DMGDH: variants seen among roughly 807,000 people sequenced by gnomAD.
DMGDH encodes the protein dimethylglycine dehydrogenase, mitochondrial.
A neutral mutation model predicts 95.2 loss-of-function variants in DMGDH; 76 were observed. The observed-to-expected ratio is 0.80, with a 90% CI of 0.66 to 0.97. DMGDH has a LOEUF of 0.97. Among genes scored for constraint, DMGDH ranks in the 50% least tolerant of loss-of-function variants. The pLI is 0.00. For synonymous variants in DMGDH, 345 were observed against 377.6 expected (o/e 0.91, Z 1.00); for missense variants, 987 against 1,055.0 (o/e 0.94, Z 0.89).
At chr5:79,003,818 G>A (rs959822737) in intron 15 of DMGDH, among the ~76,000 whole-genome samples, 1 of 152,062 alleles carries the variant, frequency 6.6e-6, no homozygotes, top group African/African-American at 2.4e-5. Flanking sequence ...ATGGTGGCAC[G>A]CACCTGTAAA....
At chr5:79,021,070 C>T (rs1753855001) in intron 14 of DMGDH, 2 of 986,032 alleles carry the variant, frequency 2.0e-6, no homozygotes, top group Non-Finnish European at 2.4e-6. Flanking sequence ...CCATTGAGAA[C>T]AATGATATGA....
chr5:79,030,925 C>T lies in DMGDH; in HGVS notation c.1591G>A (p.Val531Ile). 1 of 1,614,134 alleles carries T rather than the reference C, an allele frequency of 6.2e-7. No homozygotes were observed. Among genetic ancestry groups the T allele is most frequent in the Non-Finnish European group, 8.5e-7 (1 of 1,180,020 alleles). Residue 531 changes from valine (V) to isoleucine (I), a missense_variant, in exon 10 of 16, where the codon GTA (valine) becomes ATA (isoleucine). Physicochemically the swap from Val to Ile is conservative, Grantham distance 29. Transcript: ENST00000255189. ...TTGCCAAATGGTGATAGGTCAGTTA[C>T]CGCTACTCTTTGCATAACCTGTTTA... The part of the protein sequence containing the change: ...EYKQVMQRVA[V>I]TDLSPFGKFN...
chr5:79,023,694 T>C (rs61676483), intron 14 of DMGDH, among the ~76,000 whole-genome samples: 4 of 152,366 alleles, frequency 2.6e-5, no homozygotes, highest in African/African-American at 9.6e-5. Context: ...GAGTGTCTTA[T>C]CGGTTATGAT....
intron 5 of DMGDH, among the ~76,000 whole-genome samples, chr5:79,048,762 C>CACACAT (rs1192530649): frequency 1.4e-5 from 2 of 139,404 alleles, no homozygotes; most frequent in Admixed American, 6.8e-5. Flanking sequence ...TAATTAAAAA[C>CACACAT]ACACATACAC....
At chr5:79,042,516 A>G in intron 6 of DMGDH, 35 bp from the exon 7 acceptor site, 1 of 1,603,598 alleles carries the variant, frequency 6.2e-7, no homozygotes. Context: ...AGGATGCCGT[A>G]GCTGAGCTGA....
intron 14 of DMGDH, among the ~76,000 whole-genome samples, chr5:79,017,767 G>A (rs1753765908): frequency 6.6e-6 from 1 of 152,178 alleles, no homozygotes. Flanking sequence ...CCACTTATAT[G>A]TGCATTTTTT....
chr5:79,004,926 T>G (rs1418869385), intron 15 of DMGDH, among the ~76,000 whole-genome samples: 2 of 152,192 alleles, frequency 1.3e-5, no homozygotes, highest in African/African-American at 4.8e-5. Flanking sequence ...GAATGCCAAA[T>G]TTTTTATAAA....
chr5:79,016,310 T>A (rs1002268847), intron 14 of DMGDH, among the ~76,000 whole-genome samples: 2 of 151,556 alleles, frequency 1.3e-5, no homozygotes, highest in African/African-American at 4.9e-5. Flanking sequence ...AAAAGCTTTA[T>A]TTTTATACAA....
chr5:79,028,812 C>T (rs559644375), intron 11 of DMGDH, among the ~76,000 whole-genome samples, 162 bp from the exon 12 acceptor site: 2 of 152,254 alleles, frequency 1.3e-5, no homozygotes, highest in African/African-American at 4.8e-5. Context: ...GGAAACCAAG[C>T]CCCTGAGATG....
At chr5:79,033,502 T>C in intron 7 of DMGDH, 94 bp from the exon 8 acceptor site, 1 of 1,423,528 alleles carries the variant, frequency 7.0e-7, no homozygotes, top group South Asian at 1.1e-5. Flanking sequence ...AAAGTTGGAC[T>C]GTTCTGTGCT....
Position 79,024,718 on chromosome 5 carries a change from A to T in DMGDH, c.2191-388T>A, listed in dbSNP as rs113677429. 6.2e-4 allele frequency among the ~76,000 whole-genome samples: 94 copies of T among 152,372 alleles called. 2 individuals carry two copies. The highest frequency in any genetic ancestry group is 1.8e-3 in the African/African-American group (75 of 41,592). ...TTTACTTATCTTACAATTCACCAAG[A>T]ATCAGGGTAAGGTGGAGGGAAAGCA... On this transcript the variant is annotated intron_variant, in intron 13 of 15. Coordinates refer to ENST00000255189, the MANE Select transcript of DMGDH (RefSeq NM_013391.3).
intron 14 of DMGDH, among the ~76,000 whole-genome samples, chr5:79,017,455 G>A (rs887490734): frequency 2.0e-5 from 3 of 152,120 alleles, no homozygotes; most frequent in South Asian, 2.1e-4. Flanking sequence ...ACCATCATGA[G>A]ACATCACTAC....
At position 79,064,735 on chromosome 5, in the gene DMGDH, TA is replaced by T. The variant is rs386419615; in HGVS notation, c.102-949del. 6.7e-3 allele frequency among the ~76,000 whole-genome samples: 1,019 copies of T among 152,144 alleles called. 14 individuals are homozygous for T. Among genetic ancestry groups the T allele is most frequent in the African/African-American group, 0.022 (921 of 41,516 alleles). ...CCTTTTTTCTATTACAAAATATATATATTTTTTTAACTTTTCAAACTTTTTT... is the reference window on the plus strand; with the variant it reads ...CCTTTTTTCTATTACAAAATATATATTTTTTTTAACTTTTCAAACTTTTTT... On this transcript the variant is annotated intron_variant, in intron 1 of 15. Coordinates refer to ENST00000255189, the MANE Select transcript of DMGDH (RefSeq NM_013391.3).
chr5:79,045,767 C>G (rs144367274), intron 5 of DMGDH, among the ~76,000 whole-genome samples: 188 of 152,160 alleles, frequency 1.2e-3, no homozygotes, highest in Non-Finnish European at 2.3e-3. Context: ...AGTTTTTAAC[C>G]AGTACTGTCT....
Position 79,044,233 on chromosome 5 carries a change from C to A in DMGDH, c.994+71G>T, listed in dbSNP as rs1754600210. The A allele has an allele frequency of 3.1e-6, 5 of 1,600,426 alleles. No homozygotes were observed. The Admixed American group carries it at 8.3e-5, about 27-fold the overall frequency. On this transcript the variant is annotated intron_variant, in intron 6 of 15. Coordinates refer to ENST00000255189, the MANE Select transcript of DMGDH (RefSeq NM_013391.3). ...ATTATGTTGTTGTCTTATTCTACAGCCATCCTCCAGCCATGGAGAGGATGA... is the reference window on the plus strand; with the variant it reads ...ATTATGTTGTTGTCTTATTCTACAGACATCCTCCAGCCATGGAGAGGATGA...
In DMGDH at chr5:79,030,984, C is replaced by A; in HGVS notation, c.1532G>T (p.Arg511Leu). Residue 511 changes from arginine (R) to leucine (L), a missense_variant, in exon 10 of 16, where the codon CGC becomes CTC. Arg to Leu is a moderately radical substitution (Grantham distance 102). Coordinates refer to ENST00000255189, the MANE Select transcript of DMGDH (RefSeq NM_013391.3). ...GCCCACAGGCTCAAACCAGTTTGTG[C>A]GGCGAAAACTTGGCCTGAAACACAA... is the stretch of plus-strand genomic sequence containing the variant. ...QDTQYRPSFRRTNWFEPVGSE... is the reference protein window; with the variant it reads ...QDTQYRPSFRLTNWFEPVGSE... 1 of 1,614,118 alleles carries A rather than the reference C, an allele frequency of 6.2e-7. No homozygotes were observed. Among genetic ancestry groups the A allele is most frequent in the Non-Finnish European group, 8.5e-7 (1 of 1,180,020 alleles).
Position 79,024,333 on chromosome 5 carries a change from A to G in DMGDH, c.2191-3T>C. On this transcript the variant is annotated splice_polypyrimidine_tract_variant and splice_region_variant and intron_variant, in intron 13 of 15. Coordinates refer to ENST00000255189, the MANE Select transcript of DMGDH (RefSeq NM_013391.3). The stretch of plus-strand genomic sequence containing the variant: ...AAAGGATTTGTATCACAGTTCATCT[A>G]AAAAGGAAACACACATTTTAAATCT... 6.2e-7 allele frequency: 1 copy of G among 1,613,022 alleles called. No homozygotes were observed. Among genetic ancestry groups the G allele is most frequent in the Non-Finnish European group, 8.5e-7 (1 of 1,179,142 alleles).
At position 79,055,848 on chromosome 5, in the gene DMGDH, T is replaced by C. The variant is rs988500287; in HGVS notation, c.337A>G (p.Ile113Val). The C allele has an allele frequency of 2.5e-6, 4 of 1,612,474 alleles. No individual in the cohort carries two copies. The highest frequency in any genetic ancestry group is 1.3e-5 in the African/African-American group (1 of 74,898). ...TCTTCCAGTTTCTCATAAAGTTTGA[T>C]GCTATCATAATGTATTTTCTTCAAG... ...INLKKIHYDSIKLYEKLEEET... is the reference protein window; with the variant it reads ...INLKKIHYDSVKLYEKLEEET... The change falls in exon 3 of 16, where the codon ATC becomes GTC. Residue 113 changes from isoleucine to valine, a missense_variant. By Grantham distance (29) the Ile-to-Val change is conservative. Transcript: ENST00000255189.
chr5:79,030,636 A>C, intron 10 of DMGDH, 197 bp downstream of exon 10: 1 of 518,972 alleles, frequency 1.9e-6, no homozygotes, highest in East Asian at 3.6e-5. Flanking sequence ...ACAAAGCAAG[A>C]CTCTGTCTCT....
Sources: allele counts gnomAD v4.1 joint callset (sites outside exome capture counted in the v4.1 genomes callset), GRCh38; gene constraint gnomAD v4.1.1; transcripts MANE v1.5; gene names NCBI Gene and HGNC (gene_info 2026-07-23, HGNC 2026-07-21).